RYR1: variants seen among roughly 807,000 people sequenced by gnomAD.
RYR1 encodes central core disease of muscle.
A neutral mutation model predicts 583.5 loss-of-function variants in RYR1; 342 were observed. The ratio of observed to expected loss-of-function variants is 0.59; its 90% CI spans 0.54 to 0.64. RYR1 has a LOEUF of 0.64. Ranked by LOEUF, RYR1 falls within the 30% of genes least tolerant of loss-of-function variation. The pLI is 0.00. For synonymous variants in RYR1, 2,791 were observed against 2,822.5 expected (o/e 0.99, Z 0.35); for missense variants, 6,032 against 6,917.2 (o/e 0.87, Z 4.54).
chr19:38,527,780 A>G lies in RYR1; in HGVS notation c.10820A>G (p.Asp3607Gly), dbSNP rs1432880563. Residue 3607 changes from aspartate to glycine, a missense_variant, in exon 73 of 106, where the codon GAC (aspartate) becomes GGC (glycine). Asp to Gly is a moderately conservative substitution (Grantham distance 94). Transcript: ENST00000359596. ...GTGTCAGCCGTGCTCTACTACCTGG[A>G]CCAGGTGGGTGGGGCCGGAGGGGTC... ...QEVSAVLYYL[D>G]QTEHPYKSKK... is the part of the protein sequence containing the mutation. The G allele has an allele frequency of 1.2e-6, 2 of 1,612,868 alleles. No individual in the cohort carries two copies. Among genetic ancestry groups the G allele is most frequent in the South Asian group, 2.2e-5 (2 of 90,972 alleles).
intron 13 of RYR1, among the ~76,000 whole-genome samples, chr19:38,453,254 G>C (rs1432716901): frequency 6.6e-6 from 1 of 151,640 alleles, no homozygotes; most frequent in Admixed American, 6.6e-5. Flanking sequence ...GGAAGGGGCA[G>C]GGCGTATGGC....
At chr19:38,474,554 C>T (rs1006106574) in intron 28 of RYR1, among the ~76,000 whole-genome samples, 19 of 147,436 alleles carry the variant, frequency 1.3e-4, no homozygotes, top group Admixed American at 3.4e-4. Flanking sequence ...TGAGCTACCA[C>T]GCCCGGCTCC....
chr19:38,557,782 T>A (rs1230824117), intron 89 of RYR1, among the ~76,000 whole-genome samples: 1 of 149,034 alleles, frequency 6.7e-6, no homozygotes, highest in Non-Finnish European at 1.5e-5. Flanking sequence ...CCAGCCTGGG[T>A]GACAAGAGCG....
At chr19:38,568,333 TC>T (rs1973541813) in intron 93 of RYR1, among the ~76,000 whole-genome samples, 1 of 151,976 alleles carries the variant, frequency 6.6e-6, no homozygotes, top group Non-Finnish European at 1.5e-5. Flanking sequence ...CTCTCCCAAT[TC>T]CTGGGGAAGC....
intron 16 of RYR1, among the ~76,000 whole-genome samples, chr19:38,456,668 T>C (rs1349572191): frequency 6.6e-6 from 1 of 152,136 alleles, no homozygotes; most frequent in Non-Finnish European, 1.5e-5. Flanking sequence ...TAGTTTGCCA[T>C]AGCCCTACAA....
chr19:38,527,172 T>C, intron 72 of RYR1, 120 bp downstream of exon 72: 1 of 1,141,940 alleles, frequency 8.8e-7, no homozygotes. Flanking sequence ...GTCAGGAGTT[T>C]GAGACCAGCC....
chr19:38,460,059 C>T (rs772919847), intron 19 of RYR1, among the ~76,000 whole-genome samples: 10 of 152,132 alleles, frequency 6.6e-5, no homozygotes, highest in Non-Finnish European at 1.0e-4. Context: ...CTTCCAATGA[C>T]CCCGAATGCT....
At chr19:38,549,875 T>TTGTGTGTGTGTGTG (rs150566334) in intron 89 of RYR1, among the ~76,000 whole-genome samples, 50 of 122,250 alleles carry the variant, frequency 4.1e-4, no homozygotes, top group East Asian at 1.5e-3. Context: ...CCAGCTAAAT[T>TTGTGTGTGTGTGTG]TGTGTGTGTG....
In RYR1 at chr19:38,502,952, C is replaced by G. The variant is rs1461283755; in HGVS notation, c.7908C>G (p.Phe2636Leu). Residue 2636 changes from phenylalanine (F) to leucine (L), a missense_variant, in exon 49 of 106, where the codon TTC (phenylalanine) becomes TTG (leucine). Around this residue, in one of 11 missense-constraint regions of RYR1, gnomAD observed 250 missense variants for 162.3 expected, o/e 1.54. Coordinates refer to ENST00000359596, the MANE Select transcript of RYR1 (RefSeq NM_000540.3). ...TCGACGTGCCCATCCTCAACGAGTT[C>G]GCCAAGATGCCACTCAAGGTGAGGG... ...LVFDVPILNE[F>L]AKMPLKLLTN... 1 of 1,610,150 alleles carries G rather than the reference C, an allele frequency of 6.2e-7. No homozygotes were observed. The highest frequency in any genetic ancestry group is 2.2e-5 in the East Asian group (1 of 44,884).
rs143445685 is a variant in RYR1, at chr19:38,512,396, C to G, written c.9385C>G (p.Leu3129Val). 1.9e-6 allele frequency: 3 copies of G among 1,614,012 alleles called. No homozygotes were observed. Among genetic ancestry groups the G allele is most frequent in the Non-Finnish European group, 2.5e-6 (3 of 1,180,040 alleles). The change falls in exon 63 of 106, where the codon CTC (leucine) becomes GTC (valine). Residue 3129 changes from leucine (L) to valine (V), a missense_variant. Physicochemically the swap from Leu to Val is conservative, Grantham distance 32. This residue lies in a region of RYR1 where 1,493 missense variants were observed against 1,715.5 expected (regional missense o/e 0.87). Coordinates refer to ENST00000359596, the MANE Select transcript of RYR1 (RefSeq NM_000540.3). This position sits in a 1 kb window ranked among gnomAD's most constrained non-coding sequence, Gnocchi z 5.1. ...CCAGGTGAAAGGCGTGGGCCAGAAC[C>G]TCACCTACACCACTGTGGCACTGCT... ...RTQVKGVGQN[L>V]TYTTVALLPV... is the part of the protein sequence containing the mutation.
intron 30 of RYR1, 146 bp from the exon 31 acceptor site, chr19:38,478,288 AG>A: frequency 3.6e-6 from 3 of 841,536 alleles, no homozygotes; most frequent in Non-Finnish European, 5.8e-6. Context: ...GTCCGGGGCG[AG>A]GGGTTTCAGC....
intron 89 of RYR1, among the ~76,000 whole-genome samples, chr19:38,549,381 CAA>C (rs1163452328): frequency 1.2e-4 from 18 of 152,068 alleles, no homozygotes; most frequent in Middle Eastern, 3.4e-3. Flanking sequence ...CGCTTGAGCC[CAA>C]GAGTTCGAGA....
chr19:38,570,823 G>A (rs1442033019), intron 94 of RYR1, 130 bp downstream of exon 94: 2 of 792,000 alleles, frequency 2.5e-6, no homozygotes, highest in African/African-American at 1.7e-5. Context: ...TCGTTAGGAG[G>A]GTTCAGGCTG....
chr19:38,587,173 CG>C, intron 105 of RYR1, 151 bp from the exon 106 acceptor site: 2 of 653,046 alleles, frequency 3.1e-6, no homozygotes, highest in East Asian at 5.7e-5. Flanking sequence ...GGTGGAGAAT[CG>C]CTTGAGCCAG....
At chr19:38,568,067 C>G in intron 93 of RYR1, 150 bp downstream of exon 93, 1 of 911,956 alleles carries the variant, frequency 1.1e-6, no homozygotes, top group Non-Finnish European at 1.7e-6. Flanking sequence ...GAGGTATCCC[C>G]AGACCTGCGG....
intron 1 of RYR1, among the ~76,000 whole-genome samples, chr19:38,437,068 T>A (rs1330657207): frequency 2.0e-5 from 3 of 151,882 alleles, no homozygotes; most frequent in Admixed American, 6.6e-5. Context: ...CTTTTTTTTT[T>A]AAGATGGAGT....
chr19:38,477,728 G>T lies in RYR1; in HGVS notation c.4312G>T (p.Val1438Phe). Residue 1438 changes from valine (V) to phenylalanine (F), a missense_variant, in exon 30 of 106, where the codon GTC becomes TTC. Coordinates refer to ENST00000359596, the MANE Select transcript of RYR1 (RefSeq NM_000540.3). Reference sequence around the variant, plus strand: ...TCACCAGTACTATTACTCCGTGAGGGTCTTTGCTGGACAGGAGCCCAGCTG... The same window carrying T: ...TCACCAGTACTATTACTCCGTGAGGTTCTTTGCTGGACAGGAGCCCAGCTG... ...NTTTYYYSVR[V>F]FAGQEPSCVW... 2 of 1,614,126 alleles carry T rather than the reference G, an allele frequency of 1.2e-6. No individual in the cohort carries two copies. Among genetic ancestry groups the T allele is most frequent in the South Asian group, 1.1e-5 (1 of 91,076 alleles).
intron 93 of RYR1, among the ~76,000 whole-genome samples, chr19:38,570,007 T>A (rs1973640091): frequency 6.6e-6 from 1 of 151,780 alleles, no homozygotes; most frequent in Non-Finnish European, 1.5e-5. Flanking sequence ...CTACTGAAAA[T>A]ACAAAAACTA....
chr19:38,463,792 C>A lies in RYR1; in HGVS notation c.2728C>A (p.His910Asn). Residue 910 changes from histidine to asparagine, a missense_variant, in exon 22 of 106, where the codon CAC becomes AAC. His to Asn is a moderately conservative substitution (Grantham distance 68, BLOSUM62 1). Around this residue, in one of 11 missense-constraint regions of RYR1, gnomAD observed 2,627 missense variants for 2,961.3 expected, o/e 0.89. Coordinates refer to ENST00000359596, the MANE Select transcript of RYR1 (RefSeq NM_000540.3). ...GCTGCACCCGTGTCTTGTGGACTTCCACAGCCTTCCAGAGCCTGAGAGGAA... is the reference window on the plus strand; with the variant it reads ...GCTGCACCCGTGTCTTGTGGACTTCAACAGCCTTCCAGAGCCTGAGAGGAA... The part of the protein sequence containing the change: ...KRLHPCLVDF[H>N]SLPEPERNYN... The A allele has an allele frequency of 6.2e-7, 1 of 1,614,052 alleles. No homozygotes were observed. The highest frequency in any genetic ancestry group is 8.5e-7 in the Non-Finnish European group (1 of 1,180,020).
Sources: gnomAD v4.1 joint callset for allele counts (sites outside exome capture counted in the v4.1 genomes callset) on GRCh38, gnomAD v4.1.1 for gene constraint, gnomAD v4.1.1 regional missense constraint, Gnocchi (gnomAD v3.1) non-coding constraint, MANE v1.5 for transcripts, NCBI Gene and HGNC (gene_info 2026-07-23, HGNC 2026-07-21) for gene names.